Variants in CAPN8 observed in about 807,000 individuals in gnomAD.
CAPN8 encodes the protein calpain-8.
A neutral mutation model predicts 80.9 loss-of-function variants in CAPN8; 87 were observed. That is an observed-to-expected ratio of 1.07 (90% CI 0.90 to 1.28). The LOEUF is 1.28. CAPN8 is among the 50% of genes most tolerant of loss of function. The pLI, the probability that CAPN8 is intolerant of heterozygous loss-of-function variation, is 0.00. For synonymous variants in CAPN8, 299 were observed against 273.8 expected (o/e 1.09, Z -0.91); for missense variants, 757 against 702.0 (o/e 1.08, Z -0.89).
chr1:223,556,364 C>T (rs879082825), intron 13 of CAPN8, among the ~76,000 whole-genome samples: 139,358 of 152,196 alleles, frequency 0.92, 63,991 homozygotes, highest in Middle Eastern at 0.96. Context: ...AAAGCAGGGT[C>T]TCCCTGAGAC....
chr1:223,631,320 C>T (rs1470889159), intron 2 of CAPN8, among the ~76,000 whole-genome samples: 1 of 152,158 alleles, frequency 6.6e-6, no homozygotes, highest in African/African-American at 2.4e-5. Flanking sequence ...CAAGCTGCCT[C>T]AGATCATGAT....
At chr1:223,545,149 G>T in intron 17 of CAPN8, 82 bp downstream of exon 17, 2 of 1,547,018 alleles carry the variant, frequency 1.3e-6, no homozygotes, top group Non-Finnish European at 1.7e-6. Flanking sequence ...TTAAGGATGT[G>T]GTCAGAATAC....
chr1:223,558,029 G>T (rs1043503957), intron 13 of CAPN8, 102 bp downstream of exon 13: 11 of 397,490 alleles, frequency 2.8e-5, no homozygotes, highest in Non-Finnish European at 4.4e-5. Context: ...CTAATAAGAA[G>T]TTATCATCCT....
chr1:223,544,023 A>G, intron 19 of CAPN8, 44 bp downstream of exon 19: 1 of 715,126 alleles, frequency 1.4e-6, no homozygotes, highest in South Asian at 1.5e-5. Flanking sequence ...CCCACCTTGC[A>G]CCTTGGGATT....
intron 7 of CAPN8, 200 bp downstream of exon 7, chr1:223,622,615 C>G: frequency 1.8e-6 from 1 of 565,786 alleles, no homozygotes. Context: ...AAGCCAGAAT[C>G]GAAGACTACA....
rs1301527270 is a variant in CAPN8, at chr1:223,612,334, G to A, written c.1312-77C>T. The A allele has an allele frequency of 2.5e-6, 3 of 1,210,764 alleles. No homozygotes were observed. The African/African-American group carries it at 4.7e-5, about 19-fold the overall frequency. 75.0% of individuals were successfully genotyped at this position (1,210,764 alleles called of 1,614,324 possible). On this transcript the variant is annotated intron_variant, in intron 10 of 20. Coordinates refer to ENST00000366872, the MANE Select transcript of CAPN8 (RefSeq NM_001143962.2). ...TCTGCTCCTTTTCCTCTCTCCCTAT[G>A]TCTTGCAAACAGACTGTGCAGTCCT...
At chr1:223,631,818 C>G (rs1279929149) in intron 2 of CAPN8, among the ~76,000 whole-genome samples, 1 of 152,142 alleles carries the variant, frequency 6.6e-6, no homozygotes, top group South Asian at 2.1e-4. Context: ...AAGCCCAGTC[C>G]TCTGGGGAGT....
chr1:223,638,803 C>T (rs1657975387), intron 2 of CAPN8, among the ~76,000 whole-genome samples: 1 of 152,226 alleles, frequency 6.6e-6, no homozygotes, highest in South Asian at 2.1e-4. Context: ...AATCCATTCA[C>T]CCCGTTACCA....
intron 18 of CAPN8, 121 bp downstream of exon 18, chr1:223,544,651 C>T: frequency 7.2e-7 from 1 of 1,396,560 alleles, no homozygotes; most frequent in Admixed American, 2.2e-5. Context: ...TCTGTTGTTG[C>T]CTTGATATCC....
At chr1:223,543,067 G>A in intron 20 of CAPN8, 41 bp downstream of exon 20, 2 of 1,550,190 alleles carry the variant, frequency 1.3e-6, no homozygotes, top group South Asian at 1.2e-5. Context: ...GAATTTCAGA[G>A]TACCATCAGC....
rs1202725338 is a variant in CAPN8 at position 223,665,516 on chromosome 1, A to AC, written c.130dup (p.Val44GlyfsTer4). The AC allele has an allele frequency of 6.4e-7, 1 of 1,551,448 alleles. No homozygotes were observed. On this transcript the variant is annotated frameshift_variant, in exon 1 of 21. Transcript: ENST00000366872. LOFTEE classifies it high-confidence loss of function. ...TGGGAACTCAGGGTCCTTAAATAGG[A>AC]CCCCTGAGTCCAAGCACTGTTGCCT...
rs750209112 is a variant in CAPN8 at position 223,541,830 on chromosome 1, C to A, written c.*6G>T. The A allele has an allele frequency of 2.0e-5, 31 of 1,551,220 alleles. No homozygotes were observed. The Admixed American group carries it at 4.7e-4, about 24-fold the overall frequency. On this transcript the variant is annotated 3_prime_UTR_variant, in exon 21 of 21. Coordinates refer to ENST00000366872, the MANE Select transcript of CAPN8 (RefSeq NM_001143962.2). Reference sequence around the variant, plus strand: ...AGGGAGTGTCACTGATGTCCGAAACCCCGGGTCAGACCAACACGCAGCACA... The same window carrying A: ...AGGGAGTGTCACTGATGTCCGAAACACCGGGTCAGACCAACACGCAGCACA...
At chr1:223,641,090 G>T (rs1162896708) in intron 2 of CAPN8, among the ~76,000 whole-genome samples, 1 of 152,108 alleles carries the variant, frequency 6.6e-6, no homozygotes, top group Non-Finnish European at 1.5e-5. Flanking sequence ...AAGTATTGAA[G>T]GACGGCCTTG....
rs111331962 is a variant in CAPN8 at position 223,550,420 on chromosome 1, C to T, written c.1699+540G>A. On this transcript the variant is annotated intron_variant, in intron 15 of 20. Transcript: ENST00000366872. Reference sequence around the variant, plus strand: ...CTGGACCCGGAAAGAAACCAGCTCCCTGTGTCCTCCTGTGGGCTGGGGCTC... The same window carrying T: ...CTGGACCCGGAAAGAAACCAGCTCCTTGTGTCCTCCTGTGGGCTGGGGCTC... 7.7e-3 allele frequency among the ~76,000 whole-genome samples: 1,179 copies of T among 152,294 alleles called. 12 individuals are homozygous for T. Among genetic ancestry groups the T allele is most frequent in the Middle Eastern group, 0.017 (5 of 294 alleles).
chr1:223,654,286 C>A, intron 2 of CAPN8, 44 bp downstream of exon 2: 2 of 1,513,962 alleles, frequency 1.3e-6, no homozygotes, highest in Admixed American at 2.0e-5. Flanking sequence ...CACATACACA[C>A]CCGCCCTCTC....
chr1:223,543,522 C>G (rs1476891608), intron 19 of CAPN8, among the ~76,000 whole-genome samples: 1 of 152,204 alleles, frequency 6.6e-6, no homozygotes, highest in African/African-American at 2.4e-5. Flanking sequence ...AGTCCCTTAG[C>G]TTTGTCTCTG....
chr1:223,622,797 C>CG lies in CAPN8; in HGVS notation c.899+17dup. The CG allele has an allele frequency of 2.6e-6, 4 of 1,545,104 alleles. No individual in the cohort carries two copies. Among genetic ancestry groups the CG allele is most frequent in the Non-Finnish European group, 2.6e-6 (3 of 1,141,026 alleles). On this transcript the variant is annotated intron_variant, in intron 7 of 20. Transcript: ENST00000366872. The stretch of plus-strand genomic sequence containing the variant: ...GCAGAGGGAGAGATGACTGGAGAAG[C>CG]GGGGGAAAAAAACCTACTCATCGCT...
Position 223,622,878 on chromosome 1 carries a change from T to A in CAPN8, c.836A>T (p.Glu279Val), listed in dbSNP as rs1657446197. Residue 279 changes from glutamate (E) to valine (V), a missense_variant, in exon 7 of 21, where the codon GAG becomes GTG. Coordinates refer to ENST00000366872, the MANE Select transcript of CAPN8 (RefSeq NM_001143962.2). ...VEEVNFQGHP[E>V]KLIRLRNPWG... ...TGGATTCCTGAGTCTGATCAGCTTC[T>A]CTGGATGGCCCTGGAAATTCACCTG... The A allele has an allele frequency of 6.4e-7, 1 of 1,551,736 alleles. No homozygotes were observed. Among genetic ancestry groups the A allele is most frequent in the Non-Finnish European group, 8.7e-7 (1 of 1,146,986 alleles).
rs546201880 is a variant in CAPN8 at position 223,544,064 on chromosome 1, C to T, written c.2029+3G>A. ...GATGGGGCTGGAGGACAGAGTGACT[C>T]ACTGAAGAGGGTCTCCAGGCGGATC... On this transcript the variant is annotated splice_donor_region_variant and intron_variant, in intron 19 of 20. Coordinates refer to ENST00000366872, the MANE Select transcript of CAPN8 (RefSeq NM_001143962.2). The T allele has an allele frequency of 3.2e-5, 23 of 717,940 alleles. No homozygotes were observed. The African/African-American group carries it at 3.7e-4, about 11-fold the overall frequency. The allele number at this position is 717,940 out of a possible 1,614,324, so 44.5% of individuals were successfully genotyped here. A position where few individuals can be genotyped will look rare whatever the true frequency, so the allele number is the denominator to read the frequency against.
Sources: allele counts gnomAD v4.1 joint callset (sites outside exome capture counted in the v4.1 genomes callset), GRCh38; gene constraint gnomAD v4.1.1; transcripts MANE v1.5; gene names NCBI Gene and HGNC (gene_info 2026-07-23, HGNC 2026-07-21).